CAPZB: variants seen among roughly 807,000 people sequenced by gnomAD.
CAPZB encodes the protein capping actin protein of muscle Z-line subunit beta.
CAPZB carries 2 observed loss-of-function variants against 38.1 expected under a neutral mutation model. The ratio of observed to expected loss-of-function variants is 0.05; its 90% confidence interval spans 0.02 to 0.17. The LOEUF (loss-of-function observed/expected upper bound fraction) is 0.17. Among genes scored for constraint, CAPZB ranks in the 10% least tolerant of loss-of-function variants. CAPZB has a pLI of 1.00. For synonymous variants in CAPZB, 107 were observed against 127.4 expected (o/e 0.84, Z 1.08); for missense variants, 161 against 334.2 (o/e 0.48, Z 4.04).
rs140898063 is a variant in CAPZB, at chr1:19,369,083, T to A, written c.329+9457A>T. Among the ~76,000 whole-genome samples the A allele has an allele frequency of 1.2e-3, 182 of 152,316 alleles. 1 individual carries two copies. Among genetic ancestry groups the A allele is most frequent in the African/African-American group, 4.3e-3 (180 of 41,572 alleles). On this transcript the variant is annotated intron_variant, in intron 4 of 8. Transcript: ENST00000264202. ...AGAGTCCCTGATGCTGACGTGGGGA[T>A]CATGTTCATAAGCAAACTTGTTTTC...
intron 6 of CAPZB, among the ~76,000 whole-genome samples, chr1:19,350,493 G>A (rs981693576): frequency 2.6e-5 from 4 of 152,288 alleles, no homozygotes; most frequent in Admixed American, 1.3e-4. Context: ...CAGGCCAGAA[G>A]ATGGTGGTCA....
At chr1:19,442,554 G>A (rs189582062) in intron 1 of CAPZB, among the ~76,000 whole-genome samples, 216 of 152,306 alleles carry the variant, frequency 1.4e-3, no homozygotes, top group African/African-American at 4.9e-3. Flanking sequence ...GCTCTTGCAA[G>A]CTTTAAGGCC....
At chr1:19,396,508 T>C (rs978395136) in intron 2 of CAPZB, among the ~76,000 whole-genome samples, 6 of 152,188 alleles carry the variant, frequency 3.9e-5, no homozygotes, top group Admixed American at 6.5e-5. Flanking sequence ...GAGCTGCCGC[T>C]GCCCCTCGTA....
intron 1 of CAPZB, among the ~76,000 whole-genome samples, chr1:19,445,626 C>T (rs376372544): frequency 2.0e-5 from 3 of 152,222 alleles, no homozygotes; most frequent in Admixed American, 1.3e-4. Flanking sequence ...AATAATTTCT[C>T]TAAAAAATAA....
At chr1:19,368,968 C>G (rs1309874846) in intron 4 of CAPZB, among the ~76,000 whole-genome samples, 2 of 152,190 alleles carry the variant, frequency 1.3e-5, no homozygotes, top group East Asian at 3.9e-4. Flanking sequence ...CTTCCAGCAG[C>G]AGAGTTTCAC....
At chr1:19,399,911 C>T (rs1046499222) in intron 2 of CAPZB, among the ~76,000 whole-genome samples, 1 of 152,106 alleles carries the variant, frequency 6.6e-6, no homozygotes, top group African/African-American at 2.4e-5. Flanking sequence ...GCAAGGTACT[C>T]TGAGGCTCAA....
intron 1 of CAPZB, among the ~76,000 whole-genome samples, chr1:19,421,614 TTGGCCCACTGGC>T (rs373330284): frequency 1.0e-3 from 158 of 152,370 alleles, no homozygotes; most frequent in African/African-American, 3.6e-3. Context: ...AGTGATGGGT[TTGGCCCACTGGC>T]ATGAGAGGAA....
At chr1:19,481,184 T>C (rs1331352267) in intron 1 of CAPZB, among the ~76,000 whole-genome samples, 1 of 152,216 alleles carries the variant, frequency 6.6e-6, no homozygotes, top group Non-Finnish European at 1.5e-5. Flanking sequence ...GTGCATAGCA[T>C]GTGGCTGGTG....
rs187441018 is a variant in CAPZB, at chr1:19,413,755, C to G, written c.93+5906G>C. On this transcript the variant is annotated intron_variant, in intron 2 of 8. Coordinates refer to ENST00000264202, the MANE Select transcript of CAPZB (RefSeq NM_004930.5). ...AGAAGAAAATGTAAGCCTGCTTACT[C>G]TATTAACACAGATAAAGCAGATCCT... Among the ~76,000 whole-genome samples the G allele has an allele frequency of 1.1e-3, 162 of 152,306 alleles. 1 individual carries two copies. The highest frequency in any genetic ancestry group is 0.01 in the Middle Eastern group (3 of 294).
intron 1 of CAPZB, among the ~76,000 whole-genome samples, chr1:19,430,375 A>G (rs10917449): frequency 0.21 from 31,709 of 152,142 alleles, 3,729 homozygotes; most frequent in Non-Finnish European, 0.25. Context: ...AGTCGGAGCT[A>G]TACTTCCACT....
intron 1 of CAPZB, chr1:19,449,244 G>C: frequency 9.1e-7 from 1 of 1,100,240 alleles, no homozygotes; most frequent in African/African-American, 1.6e-5. Context: ...GGAACAAAGT[G>C]GGGTCTTGAC....
chr1:19,366,685 T>C lies in CAPZB; in HGVS notation c.330-9122A>G, dbSNP rs558131354. On this transcript the variant is annotated intron_variant, in intron 4 of 8. Coordinates refer to ENST00000264202, the MANE Select transcript of CAPZB (RefSeq NM_004930.5). ...CCTGAGCAAAAAGAGCGAGACTCCA[T>C]CTCAAAAGAAACAACAACAACAAAC... Among the ~76,000 whole-genome samples, 3 of 149,210 alleles carry C rather than the reference T, an allele frequency of 2.0e-5. No individual in the cohort carries two copies. The South Asian group carries it at 6.4e-4, about 32-fold the overall frequency.
At chr1:19,473,720 C>T (rs764056780) in intron 1 of CAPZB, among the ~76,000 whole-genome samples, 6 of 152,030 alleles carry the variant, frequency 3.9e-5, no homozygotes, top group Admixed American at 2.6e-4. Context: ...AAAAATCAGC[C>T]GGGCATAGTG....
chr1:19,446,799 T>C (rs2094497441), intron 1 of CAPZB, among the ~76,000 whole-genome samples: 1 of 152,238 alleles, frequency 6.6e-6, no homozygotes, highest in African/African-American at 2.4e-5. Context: ...CTGGAAATGA[T>C]ATATAAAAAC....
At chr1:19,475,583 T>A (rs1274503815) in intron 1 of CAPZB, among the ~76,000 whole-genome samples, 1 of 152,194 alleles carries the variant, frequency 6.6e-6, no homozygotes, top group Admixed American at 6.5e-5. Context: ...GCTCGGCTCC[T>A]CTGTTCTCGA....
chr1:19,484,988 C>T (rs2094645932), intron 1 of CAPZB, among the ~76,000 whole-genome samples: 1 of 152,078 alleles, frequency 6.6e-6, no homozygotes, highest in Admixed American at 6.5e-5. Flanking sequence ...CAGAGGGAGG[C>T]AGCGGCCTAG....
At chr1:19,451,984 A>C (rs968917274) in intron 1 of CAPZB, among the ~76,000 whole-genome samples, 1 of 152,020 alleles carries the variant, frequency 6.6e-6, no homozygotes, top group African/African-American at 2.4e-5. Context: ...TCTCCACCCA[A>C]GTACCAACCC....
Position 19,373,215 on chromosome 1 carries a change from C to G in CAPZB, c.329+5325G>C, listed in dbSNP as rs376140300. ...GGAGCTAGTGGACTTCAGAGGGAGCCGTGAGGACACACGGCTCAGCCCCCT... is the reference window on the plus strand; with the variant it reads ...GGAGCTAGTGGACTTCAGAGGGAGCGGTGAGGACACACGGCTCAGCCCCCT... On this transcript the variant is annotated intron_variant, in intron 4 of 8. Coordinates refer to ENST00000264202, the MANE Select transcript of CAPZB (RefSeq NM_004930.5). Among the ~76,000 whole-genome samples, 54 of 152,232 alleles carry G rather than the reference C, an allele frequency of 3.5e-4. 2 individuals carry two copies. Among genetic ancestry groups the G allele is most frequent in the Middle Eastern group, 3.4e-3 (1 of 294 alleles).
intron 2 of CAPZB, among the ~76,000 whole-genome samples, chr1:19,410,582 C>A (rs944722463): frequency 6.6e-6 from 1 of 152,146 alleles, no homozygotes. Context: ...TTGAAGGGAG[C>A]GGCGGCTCCT....
Sources: gnomAD v4.1 joint callset for allele counts (sites outside exome capture counted in the v4.1 genomes callset) on GRCh38, gnomAD v4.1.1 for gene constraint, MANE v1.5 for transcripts, NCBI Gene and HGNC (gene_info 2026-07-23, HGNC 2026-07-21) for gene names.